KHDRBS2: variants seen among roughly 807,000 people sequenced by gnomAD.
KHDRBS2 encodes KH RNA binding domain containing, signal transduction associated 2, also known as KH domain-containing, RNA-binding, signal transduction-associated protein 2.
A neutral mutation model predicts 44.3 loss-of-function variants in KHDRBS2; 26 were observed. That is an observed-to-expected ratio of 0.59 (90% CI 0.43 to 0.81). The LOEUF is 0.81. Among genes scored for constraint, KHDRBS2 ranks in the 40% least tolerant of loss-of-function variants. The pLI is 0.00. For synonymous variants in KHDRBS2, 194 were observed against 151.1 expected (o/e 1.28, Z -2.08); for missense variants, 476 against 433.1 (o/e 1.10, Z -0.88).
intron 2 of KHDRBS2, among the ~76,000 whole-genome samples, chr6:62,069,469 T>C (rs1794491565): frequency 6.6e-6 from 1 of 151,712 alleles, no homozygotes; most frequent in South Asian, 2.1e-4. Context: ...TCTTGTAATA[T>C]CATGACTTTG....
chr6:62,215,017 C>T (rs1393310638), intron 1 of KHDRBS2, among the ~76,000 whole-genome samples: 5 of 151,738 alleles, frequency 3.3e-5, no homozygotes, highest in African/African-American at 1.2e-4. Flanking sequence ...CATCCAAAAT[C>T]TCAACAGTTT....
chr6:61,956,040 A>G (rs573298806), intron 4 of KHDRBS2, among the ~76,000 whole-genome samples: 261 of 152,160 alleles, frequency 1.7e-3, no homozygotes, highest in Non-Finnish European at 3.1e-3. Context: ...TGAAAATACA[A>G]AAATTAGCTG....
intron 3 of KHDRBS2, among the ~76,000 whole-genome samples, chr6:61,987,977 A>G (rs144937105): frequency 5.7e-4 from 87 of 152,344 alleles, no homozygotes; most frequent in African/African-American, 2.0e-3. Context: ...CACAGAAAGT[A>G]CTACAAGCAT....
At chr6:61,964,146 G>A (rs1157225344) in intron 4 of KHDRBS2, among the ~76,000 whole-genome samples, 5 of 151,944 alleles carry the variant, frequency 3.3e-5, no homozygotes, top group African/African-American at 1.2e-4. Flanking sequence ...GAAAAAAATC[G>A]AGCATGAAGC....
intron 2 of KHDRBS2, among the ~76,000 whole-genome samples, chr6:62,115,627 G>A (rs1806040515): frequency 6.6e-6 from 1 of 152,134 alleles, no homozygotes; most frequent in South Asian, 2.1e-4. Context: ...GCAAATGATT[G>A]CTAAAGGCAG....
At chr6:62,215,687 A>G (rs2150148379) in intron 1 of KHDRBS2, among the ~76,000 whole-genome samples, 1 of 151,958 alleles carries the variant, frequency 6.6e-6, no homozygotes, top group African/African-American at 2.4e-5. Flanking sequence ...GGAATAAACA[A>G]TGTTTTTATA....
At chr6:61,720,774 T>G (rs532563326) in intron 7 of KHDRBS2, among the ~76,000 whole-genome samples, 1 of 151,712 alleles carries the variant, frequency 6.6e-6, no homozygotes, top group African/African-American at 2.4e-5. Flanking sequence ...CAGAAGCTCT[T>G]TAGTTTAATT....
chr6:61,578,069 C>T, the KHDRBS2 span, among the ~76,000 whole-genome samples: 2 of 152,118 alleles, frequency 1.3e-5, no homozygotes, highest in Non-Finnish European at 2.9e-5. Flanking sequence ...GTAGAAGACA[C>T]TGGACTGACT....
At chr6:62,045,872 C>T (rs1787554826) in intron 3 of KHDRBS2, among the ~76,000 whole-genome samples, 1 of 150,286 alleles carries the variant, frequency 6.7e-6, no homozygotes, top group Admixed American at 6.7e-5. Context: ...CATATCCATG[C>T]CTGTGATTTT....
chr6:62,221,478 G>T (rs1396113799), intron 1 of KHDRBS2, among the ~76,000 whole-genome samples: 1 of 151,910 alleles, frequency 6.6e-6, no homozygotes, highest in Non-Finnish European at 1.5e-5. Context: ...GAGAAAAAAT[G>T]GTTAACTATG....
At chr6:61,779,937 A>T (rs1010055221) in intron 6 of KHDRBS2, among the ~76,000 whole-genome samples, 1 of 152,084 alleles carries the variant, frequency 6.6e-6, no homozygotes, top group African/African-American at 2.4e-5. Flanking sequence ...AAATACTGAA[A>T]AAAAAAACTT....
intron 7 of KHDRBS2, among the ~76,000 whole-genome samples, chr6:61,705,020 A>G (rs953695723): frequency 2.8e-4 from 43 of 151,998 alleles, no homozygotes; most frequent in Admixed American, 2.8e-3. Context: ...TGTAGTTTTT[A>G]TACAACTTTG....
intron 1 of KHDRBS2, among the ~76,000 whole-genome samples, chr6:62,218,680 A>C (rs1438466093): frequency 4.6e-5 from 7 of 151,866 alleles, no homozygotes; most frequent in African/African-American, 1.7e-4. Context: ...TGGGGTATCT[A>C]TCTGAAGGAA....
At chr6:62,283,335 A>T (rs561704256) in intron 1 of KHDRBS2, among the ~76,000 whole-genome samples, 31 of 152,126 alleles carry the variant, frequency 2.0e-4, no homozygotes, top group Non-Finnish European at 4.1e-4. Flanking sequence ...TCAACCCCAC[A>T]GCCTTCAATT....
chr6:61,906,862 C>T (rs1017764959), intron 4 of KHDRBS2, among the ~76,000 whole-genome samples: 13 of 151,410 alleles, frequency 8.6e-5, no homozygotes, highest in Non-Finnish European at 1.8e-4. Context: ...TAAACATGGG[C>T]GTGCAGATAT....
At chr6:62,099,309 C>A (rs1801332067) in intron 2 of KHDRBS2, among the ~76,000 whole-genome samples, 1 of 152,132 alleles carries the variant, frequency 6.6e-6, no homozygotes, top group Non-Finnish European at 1.5e-5. Flanking sequence ...AGGCTAATTA[C>A]TATGTTCTCA....
At chr6:61,670,436 C>A in the KHDRBS2 span, among the ~76,000 whole-genome samples, 1 of 151,326 alleles carries the variant, frequency 6.6e-6, no homozygotes, top group African/African-American at 2.4e-5. Context: ...TACATAAATT[C>A]TAAATAATTA....
chr6:62,189,050 G>A (rs1383772808), intron 1 of KHDRBS2, among the ~76,000 whole-genome samples: 1 of 152,064 alleles, frequency 6.6e-6, no homozygotes, highest in Non-Finnish European at 1.5e-5. Flanking sequence ...GGGAGGTGGA[G>A]GTTGCCGTGA....
At chr6:61,592,072 TC>T in the KHDRBS2 span, among the ~76,000 whole-genome samples, 5 of 151,068 alleles carry the variant, frequency 3.3e-5, no homozygotes, top group Admixed American at 1.3e-4. Flanking sequence ...AGGTCTGTAG[TC>T]CCAGTGACTC....
Sources: gnomAD v4.1 joint callset for allele counts (sites outside exome capture counted in the v4.1 genomes callset) on GRCh38, gnomAD v4.1.1 for gene constraint, MANE v1.5 for transcripts, NCBI Gene and HGNC (gene_info 2026-07-23, HGNC 2026-07-21) for gene names.